Variants in CKMT2 observed in about 807,000 individuals in gnomAD.
The protein encoded by CKMT2 is creatine kinase S-type, mitochondrial.
In CKMT2, 43 loss-of-function variants were observed where a neutral mutation model predicts 48.9. The observed-to-expected ratio is 0.88, with a 90% CI of 0.69 to 1.13. The LOEUF (loss-of-function observed/expected upper bound fraction) is 1.13, where lower values mean the gene tolerates loss of function less well. Ranked by LOEUF, CKMT2 falls within the 50% of genes most tolerant of loss-of-function variation. The probability of loss-of-function intolerance (pLI) is 0.00; values close to 1 mark genes in which losing one functional copy is unlikely to be tolerated. For missense variants in CKMT2, 472 were observed against 555.4 expected (o/e 0.85, Z 1.51); for synonymous variants, 206 against 213.0 (o/e 0.97, Z 0.29).
At chr5:81,260,008 AT>A (rs1281178088) in intron 8 of CKMT2, among the ~76,000 whole-genome samples, 1 of 152,050 alleles carries the variant, frequency 6.6e-6, no homozygotes, top group African/African-American at 2.4e-5. Context: ...AAGAACGGAT[AT>A]CATAACAGTC....
intron 1 of CKMT2, among the ~76,000 whole-genome samples, chr5:81,237,322 C>A (rs188986999): frequency 1.3e-5 from 2 of 152,240 alleles, no homozygotes; most frequent in East Asian, 3.9e-4. Flanking sequence ...TCAGTGCCTA[C>A]TGCAGCCTGT....
At chr5:81,246,135 C>T (rs1756602501) in intron 1 of CKMT2, among the ~76,000 whole-genome samples, 1 of 151,702 alleles carries the variant, frequency 6.6e-6, no homozygotes, top group African/African-American at 2.4e-5. Flanking sequence ...AACCATTCTC[C>T]ACTGGCAGCC....
intron 1 of CKMT2, among the ~76,000 whole-genome samples, chr5:81,242,021 C>T (rs770927478): frequency 4.0e-5 from 6 of 151,698 alleles, no homozygotes; most frequent in African/African-American, 7.3e-5. Flanking sequence ...TGCTGGCTTT[C>T]GTCTGTTATC....
chr5:81,263,976 G>A (rs1228611188), intron 9 of CKMT2, among the ~76,000 whole-genome samples: 1 of 152,208 alleles, frequency 6.6e-6, no homozygotes, highest in Admixed American at 6.5e-5. Context: ...CTATCCCTCT[G>A]AGGGTGGCAA....
intron 3 of CKMT2, 148 bp from the exon 4 acceptor site, chr5:81,254,248 C>T (rs2112808640): frequency 1.6e-6 from 1 of 615,782 alleles, no homozygotes; most frequent in African/African-American, 1.8e-5. Context: ...TCCATTCTCA[C>T]ATCCATTTCC....
At position 81,251,213 on chromosome 5, in the gene CKMT2, C is replaced by A. The variant is rs751206741; in HGVS notation, c.81C>A (p.Thr27=). 1 of 1,614,068 alleles carries A rather than the reference C, an allele frequency of 6.2e-7. No individual in the cohort carries two copies. The highest frequency in any genetic ancestry group is 1.7e-5 in the Admixed American group (1 of 60,006). Residue 27 remains threonine (T), a synonymous_variant, in exon 2 of 10, where the codon ACC becomes ACA. Coordinates refer to ENST00000254035, the MANE Select transcript of CKMT2 (RefSeq NM_001099735.2). ...LFATMGTSVL[T]TGYLLNRQKV... The stretch of plus-strand genomic sequence containing the variant: ...CTACCATGGGCACCAGTGTCCTGAC[C>A]ACCGGGTACCTGCTGAACCGGCAGA...
intron 1 of CKMT2, among the ~76,000 whole-genome samples, chr5:81,240,285 T>G (rs1756392236): frequency 6.6e-6 from 1 of 152,170 alleles, no homozygotes; most frequent in Admixed American, 6.5e-5. Context: ...CCCCTCGGCA[T>G]CAGCCTATGG....
At position 81,253,008 on chromosome 5, in the gene CKMT2, AG is replaced by A. The variant is rs771190788; in HGVS notation, c.351+118del. 50 of 1,156,076 alleles carry A rather than the reference AG, an allele frequency of 4.3e-5. 1 individual carries two copies. The highest frequency in any genetic ancestry group is 6.4e-5 in the Non-Finnish European group (50 of 785,908). The allele number at this position is 1,156,076 out of a possible 1,614,324, so 71.6% of individuals were successfully genotyped here. Reference sequence around the variant, plus strand: ...GGGCCAACTTTCTGCCTTCTCAGGAAGGGCTCTCATAAAGGGAAGCCAGCTC... The same window carrying A: ...GGGCCAACTTTCTGCCTTCTCAGGAAGGCTCTCATAAAGGGAAGCCAGCTC... On this transcript the variant is annotated intron_variant, in intron 3 of 9. Coordinates refer to ENST00000254035, the MANE Select transcript of CKMT2 (RefSeq NM_001099735.2).
chr5:81,262,090 A>T (rs941675577), intron 8 of CKMT2, among the ~76,000 whole-genome samples: 2 of 152,242 alleles, frequency 1.3e-5, no homozygotes, highest in Non-Finnish European at 2.9e-5. Context: ...AGAAATGGGG[A>T]AAGGATTCCC....
rs1466516648 is a variant in CKMT2 at position 81,259,726 on chromosome 5, CACTCTTCTTAGAGA to C, written c.1014+473_1014+486del. 7.2e-5 allele frequency among the ~76,000 whole-genome samples: 11 copies of C among 152,274 alleles called. No individual in the cohort carries two copies. The South Asian group carries it at 1.0e-3, about 14-fold the overall frequency. Reference sequence around the variant, plus strand: ...CACTTGGAGGAACGCTGTCTTAGAGCACTCTTCTTAGAGACCTACAATGAGACTTAGACTCCCAC... The same window carrying C: ...CACTTGGAGGAACGCTGTCTTAGAGCCCTACAATGAGACTTAGACTCCCAC... On this transcript the variant is annotated intron_variant, in intron 8 of 9. Coordinates refer to ENST00000254035, the MANE Select transcript of CKMT2 (RefSeq NM_001099735.2).
chr5:81,255,183 T>C lies in CKMT2; in HGVS notation c.638T>C (p.Met213Thr). 1 of 1,614,096 alleles carries C rather than the reference T, an allele frequency of 6.2e-7. No homozygotes were observed. Among genetic ancestry groups the C allele is most frequent in the Non-Finnish European group, 8.5e-7 (1 of 1,180,036 alleles). ...LAGRYYKLSEMTEQDQQRLID... is the reference protein window; with the variant it reads ...LAGRYYKLSETTEQDQQRLID... ...GGCCGCTACTACAAGCTGTCCGAGA[T>C]GACGGAGCAGGACCAGCAGCGGCTC... Residue 213 changes from methionine (M) to threonine (T), a missense_variant, in exon 5 of 10, where the codon ATG (methionine) becomes ACG (threonine). Physicochemically the swap from Met to Thr is moderately conservative, Grantham distance 81 (BLOSUM62 -1). Transcript: ENST00000254035.
intron 1 of CKMT2, among the ~76,000 whole-genome samples, chr5:81,249,353 T>A (rs1005554237): frequency 7.9e-5 from 12 of 152,154 alleles, no homozygotes; most frequent in Non-Finnish European, 1.3e-4. Context: ...AGTGCTGGGA[T>A]TACAGGCATG....
intron 1 of CKMT2, 105 bp downstream of exon 1, chr5:81,233,482 C>T (rs902587644): frequency 6.1e-6 from 5 of 819,860 alleles, no homozygotes; most frequent in South Asian, 5.6e-5. Flanking sequence ...TAGACGGGGA[C>T]CCCGTTAGGA....
chr5:81,246,350 C>T (rs1756610700), intron 1 of CKMT2, among the ~76,000 whole-genome samples: 1 of 152,018 alleles, frequency 6.6e-6, no homozygotes, highest in African/African-American at 2.4e-5. Flanking sequence ...CACTGACCTC[C>T]TTTCTGTCCT....
chr5:81,248,191 CAG>C (rs1350250917), intron 1 of CKMT2, among the ~76,000 whole-genome samples: 2 of 152,186 alleles, frequency 1.3e-5, no homozygotes, highest in East Asian at 3.9e-4. Flanking sequence ...GGGCACATAT[CAG>C]TGCATAGGCA....
intron 4 of CKMT2, 116 bp downstream of exon 4, chr5:81,254,607 G>GCCAGGGCAGTC: frequency 4.7e-6 from 4 of 847,910 alleles, no homozygotes; most frequent in Non-Finnish European, 7.7e-6. Context: ...AAAGCACTGT[G>GCCAGGGCAGTC]ACTGCCCTGG....
At chr5:81,253,097 T>G (rs1432396780) in intron 3 of CKMT2, among the ~76,000 whole-genome samples, 3 of 152,206 alleles carry the variant, frequency 2.0e-5, no homozygotes, top group Non-Finnish European at 2.9e-5. Flanking sequence ...GGGACAAGGC[T>G]TCCCTTGCTG....
At chr5:81,241,501 G>T (rs1224674065) in intron 1 of CKMT2, among the ~76,000 whole-genome samples, 1 of 152,186 alleles carries the variant, frequency 6.6e-6, no homozygotes, top group Non-Finnish European at 1.5e-5. Flanking sequence ...ACCTCCCACT[G>T]TCAGTGGGAG....
chr5:81,251,062 G>A, intron 1 of CKMT2, 51 bp from the exon 2 acceptor site: 2 of 1,467,152 alleles, frequency 1.4e-6, no homozygotes, highest in South Asian at 2.4e-5. Context: ...CCTATGTTGT[G>A]GCTCAGGGTC....
Sources: gnomAD v4.1 joint callset for allele counts (sites outside exome capture counted in the v4.1 genomes callset) on GRCh38, gnomAD v4.1.1 for gene constraint, MANE v1.5 for transcripts, NCBI Gene and HGNC (gene_info 2026-07-23, HGNC 2026-07-21) for gene names.